CNR2: variants seen among roughly 807,000 people sequenced by gnomAD.
CNR2 encodes the protein cannabinoid receptor 2.
For synonymous variants in CNR2, 172 were observed against 182.2 expected (o/e 0.94, Z 0.45); for missense variants, 379 against 439.9 (o/e 0.86, Z 1.24).
intron 1 of CNR2, among the ~76,000 whole-genome samples, chr1:23,908,643 C>T (rs1640537812): frequency 6.6e-6 from 1 of 152,066 alleles, no homozygotes; most frequent in African/African-American, 2.4e-5. Context: ...TGTGTCTCAG[C>T]CTTAGTGGCT....
intron 1 of CNR2, among the ~76,000 whole-genome samples, chr1:23,881,379 A>G (rs1283255586): frequency 6.9e-6 from 1 of 144,666 alleles, no homozygotes; most frequent in African/African-American, 2.6e-5. Flanking sequence ...GGCAGATCAC[A>G]TGAGGCCAGG....
chr1:23,887,439 A>G (rs1431109047), intron 1 of CNR2, among the ~76,000 whole-genome samples: 4 of 152,220 alleles, frequency 2.6e-5, no homozygotes, highest in Non-Finnish European at 4.4e-5. Context: ...GCTGGGGCTG[A>G]TGGAGGCTGG....
chr1:23,896,224 C>T (rs190732146), intron 1 of CNR2, among the ~76,000 whole-genome samples: 37 of 152,250 alleles, frequency 2.4e-4, no homozygotes, highest in South Asian at 4.1e-4. Context: ...ACCTTCTCAC[C>T]GACAAGGATT....
At position 23,875,477 on chromosome 1, in the gene CNR2, A is replaced by T. The variant is rs764487664; in HGVS notation, c.141T>A (p.Ser47Arg). 6.2e-7 allele frequency: 1 copy of T among 1,614,186 alleles called. No individual in the cohort carries two copies. Among genetic ancestry groups the T allele is most frequent in the East Asian group, 2.2e-5 (1 of 44,874 alleles). ...AGAGCACAGCCACGTTCTCCAGGGC[A>T]CTTAGCAGGCCCAGAAGAGTGCACA... ...AVLCTLLGLL[S>R]ALENVAVLYL... Residue 47 changes from serine (S) to arginine (R), a missense_variant, in exon 2 of 2, where the codon AGT becomes AGA. Coordinates refer to ENST00000374472, the MANE Select transcript of CNR2 (RefSeq NM_001841.3).
At chr1:23,906,138 T>C (rs907237430) in intron 1 of CNR2, among the ~76,000 whole-genome samples, 16 of 152,152 alleles carry the variant, frequency 1.1e-4, no homozygotes, top group Middle Eastern at 3.4e-3. Flanking sequence ...CTGCTCCCAC[T>C]CTGATGTTTT....
intron 1 of CNR2, among the ~76,000 whole-genome samples, chr1:23,889,391 A>G (rs1319964430): frequency 6.6e-6 from 1 of 152,118 alleles, no homozygotes; most frequent in East Asian, 1.9e-4. Flanking sequence ...TTTATCCCCA[A>G]CTGGGAGTAG....
chr1:23,889,475 T>C (rs1236854305), intron 1 of CNR2, among the ~76,000 whole-genome samples: 1 of 152,110 alleles, frequency 6.6e-6, no homozygotes, highest in East Asian at 1.9e-4. Flanking sequence ...CTAAGGCCTT[T>C]CTTTTCTTTC....
chr1:23,897,522 T>C (rs1346014277), intron 1 of CNR2, among the ~76,000 whole-genome samples: 1 of 151,526 alleles, frequency 6.6e-6, no homozygotes, highest in African/African-American at 2.4e-5. Context: ...TCACCCAAGC[T>C]GGAGTGCAGT....
intron 1 of CNR2, among the ~76,000 whole-genome samples, chr1:23,901,315 G>T (rs1205129887): frequency 6.6e-6 from 1 of 152,156 alleles, no homozygotes; most frequent in East Asian, 1.9e-4. Flanking sequence ...CTCTGGCTGT[G>T]TGGAAAAGGT....
chr1:23,902,426 T>A, intron 1 of CNR2: 1 of 1,589,574 alleles, frequency 6.3e-7, no homozygotes, highest in Non-Finnish European at 8.6e-7. Flanking sequence ...CTTTTGCCAA[T>A]GCTGGGACGA....
intron 1 of CNR2, chr1:23,901,437 C>T (rs780137404): frequency 1.1e-5 from 16 of 1,514,946 alleles, no homozygotes; most frequent in Non-Finnish European, 1.3e-5. Flanking sequence ...CCCCTCCATC[C>T]ACTCGCCGAC....
intron 1 of CNR2, among the ~76,000 whole-genome samples, chr1:23,876,916 C>T (rs1021067189): frequency 1.3e-5 from 2 of 151,564 alleles, no homozygotes; most frequent in Non-Finnish European, 2.9e-5. Flanking sequence ...AAAAAACCCT[C>T]AGGAACCTAG....
At chr1:23,903,458 C>T (rs1047037261) in intron 1 of CNR2, among the ~76,000 whole-genome samples, 2 of 151,342 alleles carry the variant, frequency 1.3e-5, no homozygotes, top group Non-Finnish European at 2.9e-5. Flanking sequence ...CCTGTGGTCC[C>T]AGGCACTTGG....
intron 1 of CNR2, chr1:23,902,655 G>GC (rs942336743): frequency 1.9e-5 from 31 of 1,595,768 alleles, no homozygotes; most frequent in Non-Finnish European, 2.6e-5. Context: ...CGTCCTGGTC[G>GC]CCCCCGGGGG....
rs370749734 is a variant in CNR2 at position 23,875,592 on chromosome 1, A to G, written c.26T>C (p.Ile9Thr). MEECWVTE[I>T]ANGSKDGLDS... ...CAAGCCATCCTTGGAGCCATTGGCTATCTCTGTCACCCAGCATTCCTCCAT... is the reference window on the plus strand; with the variant it reads ...CAAGCCATCCTTGGAGCCATTGGCTGTCTCTGTCACCCAGCATTCCTCCAT... The change falls in exon 2 of 2, where the codon ATA (isoleucine) becomes ACA (threonine). Residue 9 changes from isoleucine (I) to threonine (T), a missense_variant. Transcript: ENST00000374472. 14 of 1,607,954 alleles carry G rather than the reference A, an allele frequency of 8.7e-6. No homozygotes were observed. Among genetic ancestry groups the G allele is most frequent in the African/African-American group, 6.7e-5 (5 of 74,846 alleles).
rs1639794986 is a variant in CNR2, at chr1:23,873,189, T to C, written c.*1346A>G. ...TCTTGTTGGCTGTTTTAGGCTCCTCTGGGAGGAACCCAGCCTCCCTCATAT... is the reference window on the plus strand; with the variant it reads ...TCTTGTTGGCTGTTTTAGGCTCCTCCGGGAGGAACCCAGCCTCCCTCATAT... On this transcript the variant is annotated 3_prime_UTR_variant, in exon 2 of 2. Coordinates refer to ENST00000374472, the MANE Select transcript of CNR2 (RefSeq NM_001841.3). 6.6e-6 allele frequency: 1 copy of C among 152,216 alleles called. No individual in the cohort carries two copies. Among genetic ancestry groups the C allele is most frequent in the Admixed American group, 6.5e-5 (1 of 15,288 alleles). 9.4% of individuals were successfully genotyped at this position (152,216 alleles called of 1,614,324 possible). A position where few individuals can be genotyped will look rare whatever the true frequency, so the allele number is the denominator to read the frequency against.
chr1:23,885,321 T>C lies in CNR2; in HGVS notation c.-45-9659A>G, dbSNP rs144981647. On this transcript the variant is annotated intron_variant, in intron 1 of 1. Coordinates refer to ENST00000374472, the MANE Select transcript of CNR2 (RefSeq NM_001841.3). ...GAAATGCACTTGGATGGAAAGGGGC[T>C]GTCTTGAATACTGTAGACCCCAAGT... Among the ~76,000 whole-genome samples, 969 of 151,586 alleles carry C rather than the reference T, an allele frequency of 6.4e-3. 6 individuals carry two copies. The highest frequency in any genetic ancestry group is 0.022 in the African/African-American group (903 of 41,336).
intron 1 of CNR2, among the ~76,000 whole-genome samples, chr1:23,904,193 T>C (rs1039662536): frequency 3.3e-5 from 5 of 151,090 alleles, no homozygotes; most frequent in Non-Finnish European, 7.4e-5. Context: ...TTTTTTTTTT[T>C]TTGGAGTCTC....
chr1:23,895,503 CT>C (rs1570715182), intron 1 of CNR2, among the ~76,000 whole-genome samples: 1 of 151,798 alleles, frequency 6.6e-6, no homozygotes, highest in Non-Finnish European at 1.5e-5. Flanking sequence ...GACCTGAGTC[CT>C]TTTTTTTCTC....
Sources: allele counts gnomAD v4.1 joint callset (sites outside exome capture counted in the v4.1 genomes callset), GRCh38; gene constraint gnomAD v4.1.1; transcripts MANE v1.5; gene names NCBI Gene and HGNC (gene_info 2026-07-23, HGNC 2026-07-21).